GRB10: variants seen among roughly 807,000 people sequenced by gnomAD.
GRB10 encodes growth factor receptor bound protein 10, also known as growth factor receptor-bound protein 10.
In GRB10, 20 loss-of-function variants were observed where a neutral mutation model predicts 80.9. The observed-to-expected ratio is 0.25, with a 90% CI of 0.17 to 0.36. GRB10 has a LOEUF of 0.36. GRB10 is among the 10% of genes least tolerant of loss of function. GRB10 has a pLI of 1.00. For synonymous variants in GRB10, 291 were observed against 291.5 expected, an observed-to-expected ratio of 1.00 and a Z score of 0.02; for missense variants, 548 against 747.7, an observed-to-expected ratio of 0.73 and a Z score of 3.12.
intron 5 of GRB10, among the ~76,000 whole-genome samples, chr7:50,700,256 T>G (rs1349638664): frequency 6.6e-6 from 1 of 152,266 alleles, no homozygotes; most frequent in Non-Finnish European, 1.5e-5. Flanking sequence ...TGTTTCTCTA[T>G]TACGATTTTA....
At chr7:50,699,129 C>T (rs932172708) in intron 5 of GRB10, among the ~76,000 whole-genome samples, 1 of 152,170 alleles carries the variant, frequency 6.6e-6, no homozygotes, top group Non-Finnish European at 1.5e-5. Context: ...GTTGATCTCA[C>T]ATTATATCTG....
At chr7:50,737,939 CATCTAAAAAG>C (rs1462751341) in intron 3 of GRB10, among the ~76,000 whole-genome samples, 17 of 152,182 alleles carry the variant, frequency 1.1e-4, no homozygotes, top group African/African-American at 3.4e-4. Flanking sequence ...TAAGCAACCT[CATCTAAAAAG>C]GCACAAAGGG....
chr7:50,621,716 T>C (rs2051789973), intron 8 of GRB10, among the ~76,000 whole-genome samples: 1 of 152,258 alleles, frequency 6.6e-6, no homozygotes, highest in Admixed American at 6.5e-5. Context: ...TGCATATGAT[T>C]ACAATGGCCT....
At chr7:50,770,834 T>G (rs1377497521) in intron 2 of GRB10, among the ~76,000 whole-genome samples, 1 of 152,212 alleles carries the variant, frequency 6.6e-6, no homozygotes, top group Non-Finnish European at 1.5e-5. Context: ...GTGAATATTC[T>G]TTTTACATGG....
intron 3 of GRB10, among the ~76,000 whole-genome samples, chr7:50,744,164 C>T (rs114101854): frequency 0.038 from 5,736 of 152,140 alleles, 348 homozygotes; most frequent in African/African-American, 0.13. Flanking sequence ...AGTACTGCCT[C>T]AATCGTAGAG....
At chr7:50,704,496 G>A (rs1281331332) in intron 4 of GRB10, among the ~76,000 whole-genome samples, 1 of 152,134 alleles carries the variant, frequency 6.6e-6, no homozygotes, top group Non-Finnish European at 1.5e-5. Context: ...TTCAAATGTG[G>A]GGAAAGAAAT....
At chr7:50,727,629 A>C (rs1449679285) in intron 4 of GRB10, among the ~76,000 whole-genome samples, 1 of 152,230 alleles carries the variant, frequency 6.6e-6, no homozygotes, top group Non-Finnish European at 1.5e-5. Context: ...GTATTTTCCC[A>C]AACCAAATGC....
chr7:50,676,335 C>CGGGGGGGGGGG (rs3040026), intron 5 of GRB10, among the ~76,000 whole-genome samples: 1 of 93,206 alleles, frequency 1.1e-5, no homozygotes, highest in Non-Finnish European at 2.3e-5. Context: ...TCCACCCCAC[C>CGGGGGGGGGGG]GGGGGGGGGG....
In GRB10 at chr7:50,700,314, T is replaced by C. The variant is rs945372814; in HGVS notation, c.139+3507A>G. The stretch of plus-strand genomic sequence containing the variant: ...GTTTTTACATTTTTGCAATAAATCA[T>C]CTATCTTCCCCCAGATTTCCATTTT... On this transcript the variant is annotated intron_variant, in intron 5 of 18. Transcript: ENST00000401949. Among the ~76,000 whole-genome samples the C allele has an allele frequency of 2.0e-5, 3 of 152,206 alleles. No individual in the cohort carries two copies. The South Asian group carries it at 6.2e-4, about 31-fold the overall frequency.
At chr7:50,725,937 T>C (rs1251901862) in intron 4 of GRB10, 5 of 152,212 alleles carry the variant, frequency 3.3e-5, no homozygotes, top group East Asian at 1.9e-4. Context: ...GTTAAGGACA[T>C]AGGCTTCAGG....
intron 4 of GRB10, among the ~76,000 whole-genome samples, chr7:50,720,262 G>A (rs920371816): frequency 3.9e-5 from 6 of 152,136 alleles, no homozygotes; most frequent in South Asian, 2.1e-4. Context: ...CAGTCACTTC[G>A]AATACTTTGT....
At position 50,671,474 on chromosome 7, in the gene GRB10, T is replaced by C. The variant is rs1271675468; in HGVS notation, c.363-1611A>G. On this transcript the variant is annotated intron_variant, in intron 6 of 18. Coordinates refer to ENST00000401949, the MANE Select transcript of GRB10 (RefSeq NM_001350814.2). ...CCCACGTAGACCAGCAAATGATGCA[T>C]GGATTTAAAATTACGAGAACTCACA... is the stretch of plus-strand genomic sequence containing the variant. Among the ~76,000 whole-genome samples the C allele has an allele frequency of 2.0e-5, 3 of 152,334 alleles. No homozygotes were observed. The East Asian group carries it at 5.8e-4, about 29-fold the overall frequency.
intron 3 of GRB10, among the ~76,000 whole-genome samples, chr7:50,735,018 C>T (rs2070543120): frequency 6.6e-6 from 1 of 152,132 alleles, no homozygotes; most frequent in South Asian, 2.1e-4. Context: ...CTAAAATCAT[C>T]AAGGTTCAGA....
At chr7:50,651,401 T>C (rs890447870) in intron 7 of GRB10, among the ~76,000 whole-genome samples, 1 of 152,198 alleles carries the variant, frequency 6.6e-6, no homozygotes, top group African/African-American at 2.4e-5. Flanking sequence ...CACTGCAATC[T>C]CCACCTTTAT....
rs371674570 is a variant in GRB10 at position 50,732,359 on chromosome 7, G to A, written c.-37C>T. On this transcript the variant is annotated 5_prime_UTR_variant, in exon 4 of 19. Coordinates refer to ENST00000401949, the MANE Select transcript of GRB10 (RefSeq NM_001350814.2). The stretch of plus-strand genomic sequence containing the variant: ...GCCTTCTTCAAATTACATTTACTGC[G>A]CTGCAGCACCTGGAATAAAGACAGA... 1.5e-5 allele frequency: 24 copies of A among 1,585,618 alleles called. No homozygotes were observed. Among genetic ancestry groups the A allele is most frequent in the East Asian group, 4.5e-5 (2 of 44,734 alleles).
chr7:50,744,428 C>T (rs959927007), intron 3 of GRB10, among the ~76,000 whole-genome samples: 5 of 152,160 alleles, frequency 3.3e-5, no homozygotes, highest in African/African-American at 1.2e-4. Context: ...GGAGCACGAA[C>T]ATCCCATGCA....
At chr7:50,761,954 T>C (rs897469036) in intron 2 of GRB10, 2 of 152,184 alleles carry the variant, frequency 1.3e-5, no homozygotes, top group African/African-American at 4.8e-5. Context: ...TCCACCTTGA[T>C]TGTAGGTTTC....
Position 50,748,264 on chromosome 7 carries a change from C to T in GRB10, c.-47+7623G>A, listed in dbSNP as rs138312793. The stretch of plus-strand genomic sequence containing the variant: ...CTGCCTAGCACCCTGGAGGAGGCCC[C>T]GTGGCCCATGACGGAGTAGCCATGT... On this transcript the variant is annotated intron_variant, in intron 3 of 18. Transcript: ENST00000401949. Among the ~76,000 whole-genome samples the T allele has an allele frequency of 1.2e-3, 176 of 152,280 alleles. 1 individual carries two copies. The highest frequency in any genetic ancestry group is 4.0e-3 in the African/African-American group (167 of 41,552).
intron 6 of GRB10, among the ~76,000 whole-genome samples, chr7:50,673,366 C>G (rs113330700): frequency 6.6e-6 from 1 of 152,170 alleles, no homozygotes; most frequent in African/African-American, 2.4e-5. Context: ...TGGCTCTCAG[C>G]TTGATTCTAC....
Sources: allele counts gnomAD v4.1 joint callset (sites outside exome capture counted in the v4.1 genomes callset), GRCh38; gene constraint gnomAD v4.1.1; transcripts MANE v1.5; gene names NCBI Gene and HGNC (gene_info 2026-07-23, HGNC 2026-07-21).